Variants in SNTG1 observed in about 807,000 individuals in gnomAD.
SNTG1 encodes the protein gamma-1-syntrophin.
Under a neutral mutation model 74.7 loss-of-function variants are expected in SNTG1, and 39 were observed. The ratio of observed to expected loss-of-function variants is 0.52; its 90% CI spans 0.40 to 0.68. The LOEUF is 0.68. Ranked by LOEUF, SNTG1 falls within the 30% of genes least tolerant of loss-of-function variation. SNTG1 has a pLI of 0.00. For synonymous variants in SNTG1, 254 were observed against 217.1 expected, an observed-to-expected ratio of 1.17 and a Z score of -1.49; for missense variants, 685 against 609.5, an observed-to-expected ratio of 1.12 and a Z score of -1.30.
At chr8:50,701,399 C>T (rs1585581488) in intron 15 of SNTG1, among the ~76,000 whole-genome samples, 1 of 152,170 alleles carries the variant, frequency 6.6e-6, no homozygotes, top group South Asian at 2.1e-4. Context: ...TTTCTGCCTC[C>T]TTTTCTTTGA....
intron 8 of SNTG1, among the ~76,000 whole-genome samples, chr8:50,466,156 T>C (rs78802968): frequency 0.023 from 3,508 of 152,228 alleles, 126 homozygotes; most frequent in African/African-American, 0.077. Context: ...CTCCACTTTC[T>C]TTTAGAATTT....
At chr8:50,166,616 G>T (rs2082621970) in intron 1 of SNTG1, among the ~76,000 whole-genome samples, 2 of 65,010 alleles carry the variant, frequency 3.1e-5, no homozygotes, top group Admixed American at 1.6e-4. Context: ...AAAAAGTCAG[G>T]AAACAACAGG....
chr8:50,025,591 G>A (rs1207580348), intron 1 of SNTG1, among the ~76,000 whole-genome samples: 6 of 152,100 alleles, frequency 3.9e-5, no homozygotes, highest in Admixed American at 2.6e-4. Context: ...AATGGCCATG[G>A]TAACTCCTGT....
intron 17 of SNTG1, among the ~76,000 whole-genome samples, chr8:50,732,405 GTTTGT>G (rs1349376908): frequency 6.6e-6 from 1 of 151,736 alleles, no homozygotes; most frequent in Non-Finnish European, 1.5e-5. Flanking sequence ...AGGTGTCTTT[GTTTGT>G]TTTAACATAA....
chr8:50,733,079 A>AC (rs2095516865), intron 17 of SNTG1, among the ~76,000 whole-genome samples: 1 of 151,106 alleles, frequency 6.6e-6, no homozygotes, highest in African/African-American at 2.4e-5. Flanking sequence ...TCAACAGACA[A>AC]CCCCCTCCCT....
At chr8:50,501,389 C>T (rs2093951289) in intron 8 of SNTG1, among the ~76,000 whole-genome samples, 1 of 127,654 alleles carries the variant, frequency 7.8e-6, no homozygotes, top group Admixed American at 8.7e-5. Flanking sequence ...TACAGTTGTA[C>T]TTCTTGGGGA....
intron 2 of SNTG1, among the ~76,000 whole-genome samples, chr8:50,204,824 G>A (rs1006188425): frequency 6.6e-6 from 1 of 152,042 alleles, no homozygotes; most frequent in Non-Finnish European, 1.5e-5. Context: ...GCGGTGTTTG[G>A]TTTTCTGTCC....
chr8:50,357,750 T>C (rs2091857903), intron 2 of SNTG1, among the ~76,000 whole-genome samples: 1 of 152,190 alleles, frequency 6.6e-6, no homozygotes, highest in South Asian at 2.1e-4. Context: ...CTTAGTGGTG[T>C]GCCTTTAAAG....
At chr8:50,270,652 G>T (rs2087729763) in intron 2 of SNTG1, among the ~76,000 whole-genome samples, 1 of 152,130 alleles carries the variant, frequency 6.6e-6, no homozygotes, top group South Asian at 2.1e-4. Flanking sequence ...TCCTATTCAG[G>T]TCTCTGTTGT....
chr8:50,433,943 G>C (rs1340068118), intron 4 of SNTG1, among the ~76,000 whole-genome samples: 1 of 152,126 alleles, frequency 6.6e-6, no homozygotes, highest in Non-Finnish European at 1.5e-5. Flanking sequence ...ACAACGTGCA[G>C]GTTTGTTACA....
chr8:50,094,247 G>A (rs143461554), intron 1 of SNTG1, among the ~76,000 whole-genome samples: 1 of 152,138 alleles, frequency 6.6e-6, no homozygotes, highest in Non-Finnish European at 1.5e-5. Flanking sequence ...GAAAGAAGAT[G>A]GAACTGAACT....
chr8:50,262,701 G>A (rs2087256482), intron 2 of SNTG1, among the ~76,000 whole-genome samples: 2 of 152,070 alleles, frequency 1.3e-5, no homozygotes, highest in South Asian at 4.2e-4. Context: ...GAGCCACCGC[G>A]CCCGGCCCGA....
intron 18 of SNTG1, chr8:50,762,743 T>A: frequency 2.1e-6 from 1 of 483,662 alleles, no homozygotes; most frequent in South Asian, 1.5e-5. Context: ...TTCCATGATG[T>A]GGCACTGGAC....
chr8:50,351,303 G>C (rs1347198897), intron 2 of SNTG1, among the ~76,000 whole-genome samples: 6 of 152,158 alleles, frequency 3.9e-5, no homozygotes, highest in Admixed American at 3.9e-4. Context: ...TGGGTACTTT[G>C]ATGGAACACT....
At chr8:50,477,979 T>C (rs1167279580) in intron 8 of SNTG1, among the ~76,000 whole-genome samples, 2 of 152,206 alleles carry the variant, frequency 1.3e-5, no homozygotes, top group South Asian at 2.1e-4. Context: ...GCAATACATA[T>C]ATGGGTACAA....
intron 2 of SNTG1, among the ~76,000 whole-genome samples, chr8:50,284,893 T>C (rs980244126): frequency 6.6e-6 from 1 of 152,168 alleles, no homozygotes; most frequent in Non-Finnish European, 1.5e-5. Context: ...TTCACATTTT[T>C]GCAAAAAGCA....
At chr8:50,117,042 C>T (rs182876853) in intron 1 of SNTG1, among the ~76,000 whole-genome samples, 3 of 151,960 alleles carry the variant, frequency 2.0e-5, no homozygotes, top group Non-Finnish European at 2.9e-5. Flanking sequence ...AACAACATGA[C>T]GAAGATTATA....
At chr8:49,942,865 T>C (rs1433126111) in intron 1 of SNTG1, among the ~76,000 whole-genome samples, 1 of 152,348 alleles carries the variant, frequency 6.6e-6, no homozygotes, top group South Asian at 2.1e-4. Context: ...TTCTCCTCTG[T>C]AAAGTTACTT....
chr8:50,700,648 T>C (rs2095420313), intron 15 of SNTG1, among the ~76,000 whole-genome samples: 1 of 152,106 alleles, frequency 6.6e-6, no homozygotes, highest in Admixed American at 6.5e-5. Context: ...AAGTCCTTGA[T>C]GGTACTACAG....
Sources: gnomAD v4.1 joint callset for allele counts (sites outside exome capture counted in the v4.1 genomes callset) on GRCh38, gnomAD v4.1.1 for gene constraint, MANE v1.5 for transcripts, NCBI Gene and HGNC (gene_info 2026-07-23, HGNC 2026-07-21) for gene names.